Variants in PTPRK observed in about 807,000 individuals in gnomAD.
PTPRK encodes protein tyrosine phosphatase receptor type K, also known as receptor-type tyrosine-protein phosphatase kappa.
A neutral mutation model predicts 178.0 loss-of-function variants in PTPRK; 75 were observed. That is an observed-to-expected ratio of 0.42 (90% CI 0.35 to 0.51). The LOEUF (loss-of-function observed/expected upper bound fraction) is 0.51, where lower values mean the gene tolerates loss of function less well. PTPRK is among the 20% of genes least tolerant of loss of function. PTPRK has a pLI of 0.02. For synonymous variants in PTPRK, 637 were observed against 620.6 expected (o/e 1.03, Z -0.39); for missense variants, 1,441 against 1,797.8 (o/e 0.80, Z 3.59).
intron 7 of PTPRK, among the ~76,000 whole-genome samples, chr6:128,134,539 G>A (rs1382007744): frequency 2.0e-5 from 3 of 152,130 alleles, no homozygotes; most frequent in East Asian, 3.9e-4. Flanking sequence ...CAGGCACAGT[G>A]GCTCACCATG....
intron 1 of PTPRK, among the ~76,000 whole-genome samples, chr6:128,492,383 C>T (rs1853938955): frequency 6.6e-6 from 1 of 152,136 alleles, no homozygotes; most frequent in African/African-American, 2.4e-5. Context: ...CATACTGTTA[C>T]ATTGTACATA....
intron 1 of PTPRK, among the ~76,000 whole-genome samples, chr6:128,501,660 G>T (rs1855580693): frequency 6.6e-6 from 1 of 152,074 alleles, no homozygotes. Context: ...TATTATAAGA[G>T]CATATGTTAA....
At position 128,074,534 on chromosome 6, in the gene PTPRK, A is replaced by T. The variant is rs1023205402; in HGVS notation, c.1883+4279T>A. 3.9e-5 allele frequency among the ~76,000 whole-genome samples: 6 copies of T among 152,096 alleles called. No homozygotes were observed. In the South Asian group the frequency reaches 1.2e-3, roughly 31 times the overall value. The stretch of plus-strand genomic sequence containing the variant: ...ATGTATTCTAGGGAATTGATTCTAA[A>T]TGTAGACAATATTCATTTTGAACAC... On this transcript the variant is annotated intron_variant, in intron 11 of 29. Transcript: ENST00000368226.
intron 13 of PTPRK, among the ~76,000 whole-genome samples, chr6:128,035,228 T>C (rs1776011179): frequency 6.6e-6 from 1 of 152,072 alleles, no homozygotes; most frequent in South Asian, 2.1e-4. Flanking sequence ...TATCCAGGCG[T>C]TGTAGCAAGT....
intron 5 of PTPRK, among the ~76,000 whole-genome samples, chr6:128,231,914 T>G (rs1812363882): frequency 6.6e-6 from 1 of 152,122 alleles, no homozygotes; most frequent in African/African-American, 2.4e-5. Context: ...AGGCCCAAAA[T>G]CGTTTTGTTT....
At chr6:128,082,051 T>C (rs998154386) in intron 10 of PTPRK, among the ~76,000 whole-genome samples, 5 of 152,022 alleles carry the variant, frequency 3.3e-5, no homozygotes, top group Non-Finnish European at 7.4e-5. Context: ...TATGTAGTAC[T>C]ATAATACTAG....
intron 1 of PTPRK, among the ~76,000 whole-genome samples, chr6:128,400,004 A>G (rs1462871318): frequency 6.6e-6 from 1 of 152,220 alleles, no homozygotes; most frequent in African/African-American, 2.4e-5. Context: ...ATAGCATACT[A>G]ATAAAACTTT....
intron 13 of PTPRK, among the ~76,000 whole-genome samples, chr6:128,036,873 T>C (rs1776316732): frequency 6.6e-6 from 1 of 152,024 alleles, no homozygotes; most frequent in South Asian, 2.1e-4. Flanking sequence ...CTGGGATTAC[T>C]GGCATGCACC....
intron 1 of PTPRK, chr6:128,491,588 C>T (rs1220930135): frequency 6.1e-6 from 2 of 330,172 alleles, no homozygotes; most frequent in Non-Finnish European, 1.2e-5. Flanking sequence ...TTATTTTTAC[C>T]TGCAGTCAAT....
chr6:128,008,247 C>T (rs1277215780), intron 14 of PTPRK, among the ~76,000 whole-genome samples: 1 of 150,884 alleles, frequency 6.6e-6, no homozygotes, highest in Non-Finnish European at 1.5e-5. Context: ...TAAGCAACAT[C>T]ACTTATTATA....
At chr6:128,459,311 G>A (rs1562564668) in intron 1 of PTPRK, among the ~76,000 whole-genome samples, 2 of 152,060 alleles carry the variant, frequency 1.3e-5, no homozygotes, top group South Asian at 4.2e-4. Context: ...TAGCTTTTAT[G>A]CCCACTACTT....
intron 1 of PTPRK, among the ~76,000 whole-genome samples, chr6:128,456,372 A>C (rs1848397751): frequency 6.6e-6 from 1 of 152,094 alleles, no homozygotes; most frequent in Admixed American, 6.6e-5. Context: ...AGAACAAAAA[A>C]GTATCAGAAA....
intron 1 of PTPRK, among the ~76,000 whole-genome samples, chr6:128,417,903 C>G (rs1843018119): frequency 6.6e-6 from 1 of 152,136 alleles, no homozygotes; most frequent in Non-Finnish European, 1.5e-5. Flanking sequence ...TGTGTGTGTT[C>G]CTCTCACACT....
intron 2 of PTPRK, among the ~76,000 whole-genome samples, chr6:128,360,791 C>A (rs1383257974): frequency 2.0e-5 from 3 of 152,160 alleles, no homozygotes; most frequent in East Asian, 1.9e-4. Context: ...TTATTCTACA[C>A]CCTATACAAC....
intron 1 of PTPRK, among the ~76,000 whole-genome samples, chr6:128,429,156 T>C (rs898738098): frequency 1.3e-5 from 2 of 152,216 alleles, no homozygotes; most frequent in Non-Finnish European, 2.9e-5. Flanking sequence ...TTAGCTTATG[T>C]GTGTGTCAAT....
intron 14 of PTPRK, among the ~76,000 whole-genome samples, chr6:128,008,481 T>C (rs1223226386): frequency 6.6e-6 from 1 of 151,032 alleles, no homozygotes; most frequent in East Asian, 1.9e-4. Flanking sequence ...AAAAACTGTG[T>C]ACTTTGAAAT....
chr6:128,059,663 A>G (rs940678388), intron 13 of PTPRK, among the ~76,000 whole-genome samples: 2 of 152,150 alleles, frequency 1.3e-5, no homozygotes, highest in Admixed American at 6.6e-5. Context: ...TCTCTCCCGT[A>G]GACGTGGCCA....
At chr6:128,124,256 C>G (rs576899971) in intron 7 of PTPRK, among the ~76,000 whole-genome samples, 2 of 152,056 alleles carry the variant, frequency 1.3e-5, no homozygotes, top group Admixed American at 6.6e-5. Context: ...GTTGACCAGG[C>G]TGGTCTCAAA....
intron 13 of PTPRK, among the ~76,000 whole-genome samples, chr6:128,014,796 T>C (rs1434466462): frequency 6.6e-6 from 1 of 151,710 alleles, no homozygotes; most frequent in Admixed American, 6.6e-5. Context: ...GAAGTATGTA[T>C]TATTTAACTC....
Sources: gnomAD v4.1 joint callset for allele counts (sites outside exome capture counted in the v4.1 genomes callset) on GRCh38, gnomAD v4.1.1 for gene constraint, MANE v1.5 for transcripts, NCBI Gene and HGNC (gene_info 2026-07-23, HGNC 2026-07-21) for gene names.